The following SLC39A12 variants were observed in gnomAD, a reference collection of about 807,000 sequenced individuals.
SLC39A12 encodes the protein zinc transporter ZIP12.
Under a neutral mutation model 71.1 loss-of-function variants are expected in SLC39A12, and 63 were observed. That is an observed-to-expected ratio of 0.89 (90% CI 0.72 to 1.09). SLC39A12 has a LOEUF of 1.09. Among genes scored for constraint, SLC39A12 ranks in the 50% least tolerant of loss-of-function variants. The pLI, the probability that SLC39A12 is intolerant of heterozygous loss-of-function variation, is 0.00. For missense variants in SLC39A12, 892 were observed against 812.6 expected, an observed-to-expected ratio of 1.10 and a Z score of -1.19; for synonymous variants, 351 against 301.3, an observed-to-expected ratio of 1.16 and a Z score of -1.71.
chr10:17,989,547 G>A (rs1471839669), intron 7 of SLC39A12, among the ~76,000 whole-genome samples: 1 of 152,196 alleles, frequency 6.6e-6, no homozygotes, highest in Non-Finnish European at 1.5e-5. Flanking sequence ...GAGGATGGGT[G>A]CAACATGTTA....
intron 12 of SLC39A12, among the ~76,000 whole-genome samples, chr10:18,015,364 G>C (rs1836346629): frequency 1.3e-5 from 2 of 151,936 alleles, no homozygotes; most frequent in African/African-American, 2.4e-5. Flanking sequence ...TATTAACATT[G>C]TTCTCAATAT....
intron 6 of SLC39A12, 55 bp downstream of exon 6, chr10:17,981,538 A>G (rs766405555): frequency 2.8e-6 from 4 of 1,426,866 alleles, no homozygotes; most frequent in Non-Finnish European, 3.8e-6. Context: ...TGCAATAATA[A>G]TAGTAAATGC....
intron 2 of SLC39A12, among the ~76,000 whole-genome samples, chr10:17,958,396 G>T (rs546792861): frequency 6.6e-6 from 1 of 152,048 alleles, no homozygotes; most frequent in African/African-American, 2.4e-5. Context: ...CTCATTCAAC[G>T]CTCTCGTTGT....
chr10:17,998,023 G>C (rs760496435), intron 10 of SLC39A12, among the ~76,000 whole-genome samples: 7 of 152,086 alleles, frequency 4.6e-5, no homozygotes, highest in Non-Finnish European at 1.0e-4. Flanking sequence ...TTTTCAGATG[G>C]AAACTCGCTC....
intron 12 of SLC39A12, among the ~76,000 whole-genome samples, chr10:18,021,985 A>G (rs1178873805): frequency 6.6e-6 from 1 of 152,210 alleles, no homozygotes; most frequent in Non-Finnish European, 1.5e-5. Flanking sequence ...CTGAAAAATC[A>G]ACTGTTAGTC....
At chr10:17,969,298 A>G (rs1834909951) in intron 4 of SLC39A12, among the ~76,000 whole-genome samples, 2 of 152,202 alleles carry the variant, frequency 1.3e-5, no homozygotes, top group Non-Finnish European at 2.9e-5. Context: ...TCTTTTGGGT[A>G]TATACCCAGT....
At chr10:17,967,431 C>T (rs1589222618) in intron 4 of SLC39A12, among the ~76,000 whole-genome samples, 2 of 152,064 alleles carry the variant, frequency 1.3e-5, no homozygotes, top group African/African-American at 2.4e-5. Flanking sequence ...TCCTTACTAG[C>T]GTAATAATCC....
chr10:18,000,776 A>T lies in SLC39A12; in HGVS notation c.1710A>T (p.Gly570=). ...GAAFSSSSES[G]VTTTIAILCH... The stretch of plus-strand genomic sequence containing the variant: ...CCTTCTCATCATCATCCGAGTCAGG[A>T]GTGACCACTACGATTGCTATCTTGT... Residue 570 remains glycine, a synonymous_variant, in exon 11 of 13, where the codon GGA becomes GGT. Coordinates refer to ENST00000377369, the MANE Select transcript of SLC39A12 (RefSeq NM_001145195.2). 1 of 1,614,194 alleles carries T rather than the reference A, an allele frequency of 6.2e-7. No individual in the cohort carries two copies. The highest frequency in any genetic ancestry group is 8.5e-7 in the Non-Finnish European group (1 of 1,180,024).
intron 12 of SLC39A12, chr10:18,005,944 G>A (rs1430352903): frequency 6.6e-6 from 1 of 152,050 alleles, no homozygotes; most frequent in Non-Finnish European, 1.5e-5. Flanking sequence ...CTAAACAAAC[G>A]CAGCTCTTTC....
chr10:17,990,618 C>T (rs765397771), intron 7 of SLC39A12, among the ~76,000 whole-genome samples: 3 of 151,952 alleles, frequency 2.0e-5, no homozygotes, highest in Non-Finnish European at 4.4e-5. Context: ...GTCCCAGAGA[C>T]CTGACAATAT....
At chr10:17,977,878 C>A in intron 4 of SLC39A12, 24 bp from the exon 5 acceptor site, 1 of 1,548,068 alleles carries the variant, frequency 6.5e-7, no homozygotes, top group Non-Finnish European at 8.7e-7. Context: ...CTATGTGACA[C>A]CAGATTTTAT....
Position 18,021,207 on chromosome 10 carries a change from C to T in SLC39A12, c.1947+17849C>T, listed in dbSNP as rs568920147. Among the ~76,000 whole-genome samples, 6 of 152,048 alleles carry T rather than the reference C, an allele frequency of 3.9e-5. No homozygotes were observed. In the East Asian group the frequency reaches 1.2e-3, roughly 30 times the overall value. On this transcript the variant is annotated intron_variant, in intron 12 of 12. Coordinates refer to ENST00000377369, the MANE Select transcript of SLC39A12 (RefSeq NM_001145195.2). ...GCACATGGCTAACCAGTCATCCCAG[C>T]ACCATTTATTGAATAGAGAGGCCTT...
chr10:18,003,955 A>G (rs912793287), intron 12 of SLC39A12, among the ~76,000 whole-genome samples: 1 of 152,220 alleles, frequency 6.6e-6, no homozygotes, highest in Non-Finnish European at 1.5e-5. Context: ...AATGAGAAAG[A>G]AGATTTTTAT....
intron 12 of SLC39A12, among the ~76,000 whole-genome samples, chr10:18,037,676 A>C (rs1353252154): frequency 1.3e-5 from 2 of 152,198 alleles, no homozygotes; most frequent in African/African-American, 2.4e-5. Context: ...GCATTGCATA[A>C]GACTTTGTAG....
intron 5 of SLC39A12, among the ~76,000 whole-genome samples, chr10:17,978,556 A>G (rs2130805088): frequency 6.6e-6 from 1 of 152,280 alleles, no homozygotes; most frequent in East Asian, 1.9e-4. Flanking sequence ...CTCCATATTA[A>G]TCCATGTTTG....
chr10:17,956,952 A>T (rs1196010853), intron 2 of SLC39A12, among the ~76,000 whole-genome samples: 1 of 152,132 alleles, frequency 6.6e-6, no homozygotes, highest in African/African-American at 2.4e-5. Context: ...CTTTGTCAGG[A>T]AAAAAACACA....
intron 12 of SLC39A12, 114 bp downstream of exon 12, chr10:18,003,472 A>C: frequency 1.1e-6 from 1 of 950,830 alleles, no homozygotes; most frequent in African/African-American, 1.7e-5. Flanking sequence ...TTTATAAAAC[A>C]ATATAAACCA....
At chr10:18,027,851 T>C (rs1046480183) in intron 12 of SLC39A12, among the ~76,000 whole-genome samples, 10 of 152,248 alleles carry the variant, frequency 6.6e-5, no homozygotes, top group African/African-American at 2.2e-4. Context: ...TTCCATTTTG[T>C]TGTTAGATGC....
chr10:18,016,517 G>GT (rs1836389426), intron 12 of SLC39A12, among the ~76,000 whole-genome samples: 1 of 152,132 alleles, frequency 6.6e-6, no homozygotes, highest in African/African-American at 2.4e-5. Context: ...ACTTGAGCAG[G>GT]TTTTTGTGTG....
Sources: gnomAD v4.1 joint callset for allele counts (sites outside exome capture counted in the v4.1 genomes callset) on GRCh38, gnomAD v4.1.1 for gene constraint, MANE v1.5 for transcripts, NCBI Gene and HGNC (gene_info 2026-07-23, HGNC 2026-07-21) for gene names.